Variants in INSR observed in about 807,000 individuals in gnomAD.
INSR encodes the protein insulin receptor.
In INSR, 67 loss-of-function variants were observed where a neutral mutation model predicts 142.6. That is an observed-to-expected ratio of 0.47 (90% CI 0.39 to 0.58). INSR has a LOEUF of 0.58. INSR is among the 20% of genes least tolerant of loss of function. The pLI, the probability that INSR is intolerant of heterozygous loss-of-function variation, is 0.00. For synonymous variants in INSR, 756 were observed against 743.1 expected (o/e 1.02, Z -0.28); for missense variants, 1,248 against 1,833.2 (o/e 0.68, Z 5.83).
intron 2 of INSR, among the ~76,000 whole-genome samples, chr19:7,201,667 C>CATTCTTTTTTT (rs1555750995): frequency 3.1e-5 from 4 of 127,878 alleles, no homozygotes; most frequent in African/African-American, 1.2e-4. Flanking sequence ...TATTTTCATT[C>CATTCTTTTTTT]TTTTTTTTTT....
At chr19:7,205,714 C>T (rs568556340) in intron 2 of INSR, among the ~76,000 whole-genome samples, 4 of 152,154 alleles carry the variant, frequency 2.6e-5, no homozygotes, top group Non-Finnish European at 2.9e-5. Context: ...ACACCCCCCA[C>T]GCCCATCTCT....
chr19:7,232,677 G>A (rs1258155721), intron 2 of INSR, among the ~76,000 whole-genome samples: 1 of 151,828 alleles, frequency 6.6e-6, no homozygotes, highest in Admixed American at 6.6e-5. Context: ...AGGCGTGGTG[G>A]CAGGCGCCTG....
rs1972259037 is a variant in INSR at position 7,113,842 on chromosome 19, GCAGGCC to G, written c.*3208_*3213del. 1 of 151,996 alleles carries G rather than the reference GCAGGCC, an allele frequency of 6.6e-6. No homozygotes were observed. Among genetic ancestry groups the G allele is most frequent in the Non-Finnish European group, 1.5e-5 (1 of 68,000 alleles). 9.4% of individuals were successfully genotyped at this position (151,996 alleles called of 1,614,324 possible). On this transcript the variant is annotated 3_prime_UTR_variant, in exon 22 of 22. Transcript: ENST00000302850. The stretch of plus-strand genomic sequence containing the variant: ...AACTGGTGAATCCCATTTGCAAGGG[GCAGGCC>G]CAGCACACCCTACCTTTCTCCAGGG...
chr19:7,151,089 CCTTCCCT>C (rs1169076173), intron 10 of INSR, among the ~76,000 whole-genome samples: 1 of 146,642 alleles, frequency 6.8e-6, no homozygotes, highest in Non-Finnish European at 1.5e-5. Context: ...TTCCTTCCTT[CCTTCCCT>C]CCTCTCTCCC....
intron 9 of INSR, among the ~76,000 whole-genome samples, chr19:7,155,043 C>CACAGGTCAGATGTTGGG (rs1428311393): frequency 6.6e-6 from 1 of 152,134 alleles, no homozygotes; most frequent in Non-Finnish European, 1.5e-5. Context: ...AATACACAGT[C>CACAGGTCAGATGTTGGG]ACAGGTCAGA....
chr19:7,229,340 G>A (rs199663732), intron 2 of INSR, among the ~76,000 whole-genome samples: 27 of 32,674 alleles, frequency 8.3e-4, no homozygotes, highest in South Asian at 8.2e-3. Context: ...ATAGATGGAT[G>A]GATGGATGGA....
At chr19:7,234,196 A>C (rs145333278) in intron 2 of INSR, among the ~76,000 whole-genome samples, 2 of 151,860 alleles carry the variant, frequency 1.3e-5, no homozygotes, top group East Asian at 3.9e-4. Context: ...GGCATCAGTC[A>C]CTGCATCTGG....
At position 7,163,052 on chromosome 19, in the gene INSR, T is replaced by C; in HGVS notation, c.2009A>G (p.Glu670Gly). The change falls in exon 9 of 22, where the codon GAG becomes GGG. Residue 670 changes from glutamate (E) to glycine (G), a missense_variant. By Grantham distance (98) the Glu-to-Gly change is moderately conservative. This residue lies in a region of INSR where 1,069 missense variants were observed against 1,654.0 expected (regional missense o/e 0.65). Coordinates refer to ENST00000302850, the MANE Select transcript of INSR (RefSeq NM_000208.4). ...CTCACCTTTGAGGCAATAATCCAGC[T>C]CGAACAGCTCACTGTCTTCCGCCTG... ...ERQAEDSELF[E>G]LDYCLKGLKL... The C allele has an allele frequency of 1.2e-6, 2 of 1,613,650 alleles. No homozygotes were observed. Among genetic ancestry groups the C allele is most frequent in the Non-Finnish European group, 1.7e-6 (2 of 1,179,952 alleles).
chr19:7,289,193 C>T (rs907699194), intron 1 of INSR, among the ~76,000 whole-genome samples: 6 of 151,702 alleles, frequency 4.0e-5, no homozygotes, highest in African/African-American at 1.2e-4. Context: ...AGATTAACTT[C>T]GAGAGCCATC....
In INSR at chr19:7,119,660, ACG is replaced by A; in HGVS notation, c.3660-79_3660-78del. On this transcript the variant is annotated intron_variant, in intron 20 of 21. Coordinates refer to ENST00000302850, the MANE Select transcript of INSR (RefSeq NM_000208.4). The surrounding 1 kb of genome is among the most constrained non-coding windows in gnomAD (Gnocchi z 5.2). ...CACACGCGCGCGCGCAAACACACAC[ACG>A]CAAACGCACACACACACGCAAACAC... is the stretch of plus-strand genomic sequence containing the variant. 1 of 1,500,038 alleles carries A rather than the reference ACG, an allele frequency of 6.7e-7. No homozygotes were observed. 92.9% of individuals were successfully genotyped at this position (1,500,038 alleles called of 1,614,324 possible). A position where few individuals can be genotyped will look rare whatever the true frequency, so the allele number is the denominator to read the frequency against.
rs1460088535 is a variant in INSR at position 7,228,445 on chromosome 19, A to G, written c.652+38900T>C. On this transcript the variant is annotated intron_variant, in intron 2 of 21. Coordinates refer to ENST00000302850, the MANE Select transcript of INSR (RefSeq NM_000208.4). ...GACAGGAAGGTCAAGAGTATTAACA[A>G]TTATATAATTATCCTCTGCAGTAAA... Among the ~76,000 whole-genome samples the G allele has an allele frequency of 4.6e-5, 7 of 152,350 alleles. No homozygotes were observed. The East Asian group carries it at 1.3e-3, about 29-fold the overall frequency.
chr19:7,118,408 C>T (rs1972391921), intron 21 of INSR, among the ~76,000 whole-genome samples: 1 of 151,912 alleles, frequency 6.6e-6, no homozygotes, highest in African/African-American at 2.4e-5. Flanking sequence ...ACCTCTGCCT[C>T]CCCGATTCAA....
At chr19:7,279,634 G>C (rs759788237) in intron 1 of INSR, among the ~76,000 whole-genome samples, 6 of 151,756 alleles carry the variant, frequency 4.0e-5, no homozygotes, top group Non-Finnish European at 8.8e-5. Context: ...GCTGGTGGAC[G>C]CAGTGACAAC....
At chr19:7,251,542 TGA>T (rs1390473738) in intron 2 of INSR, among the ~76,000 whole-genome samples, 10 of 151,710 alleles carry the variant, frequency 6.6e-5, no homozygotes, top group African/African-American at 2.4e-4. Context: ...ATTACAGGCA[TGA>T]GCCACCATGC....
intron 4 of INSR, 116 bp downstream of exon 4, chr19:7,174,467 C>A: frequency 1.7e-6 from 2 of 1,197,326 alleles, no homozygotes; most frequent in Non-Finnish European, 2.5e-6. Flanking sequence ...GAACGACCAT[C>A]CTAAAAGTGC....
At chr19:7,153,289 C>CACACA in intron 9 of INSR, among the ~76,000 whole-genome samples, 1 of 134,298 alleles carries the variant, frequency 7.4e-6, no homozygotes, top group Admixed American at 7.7e-5. Context: ...CCACACCACA[C>CACACA]ACCGCACACA....
chr19:7,219,687 G>A (rs572685561), intron 2 of INSR, among the ~76,000 whole-genome samples: 53 of 151,696 alleles, frequency 3.5e-4, no homozygotes, highest in African/African-American at 1.2e-3. Flanking sequence ...GAAAGAAAAT[G>A]AAAAAAAAGA....
chr19:7,268,091 T>G (rs932936865), intron 1 of INSR, among the ~76,000 whole-genome samples, 195 bp from the exon 2 acceptor site: 1 of 152,094 alleles, frequency 6.6e-6, no homozygotes, highest in Non-Finnish European at 1.5e-5. Flanking sequence ...GTAATTACTT[T>G]CAAAACGCCA....
intron 9 of INSR, among the ~76,000 whole-genome samples, chr19:7,162,298 G>A (rs1240564379): frequency 7.0e-6 from 1 of 142,592 alleles, no homozygotes; most frequent in East Asian, 2.0e-4. Context: ...CTGCACTCCA[G>A]CCTGGGTGAC....
Sources: gnomAD v4.1 joint callset for allele counts (sites outside exome capture counted in the v4.1 genomes callset) on GRCh38, gnomAD v4.1.1 for gene constraint, gnomAD v4.1.1 regional missense constraint, Gnocchi (gnomAD v3.1) non-coding constraint, MANE v1.5 for transcripts, NCBI Gene and HGNC (gene_info 2026-07-23, HGNC 2026-07-21) for gene names.